Variants in PABPC4L observed in about 807,000 individuals in gnomAD.
PABPC4L encodes the protein poly(A) binding protein cytoplasmic 4 like, also known as polyadenylate-binding protein 4-like.
For missense variants in PABPC4L, 452 were observed against 451.4 expected, an observed-to-expected ratio of 1.00 and a Z score of -0.01; for synonymous variants, 169 against 164.1, an observed-to-expected ratio of 1.03 and a Z score of -0.23.
chr4:134,046,361 A>G, the PABPC4L span, among the ~76,000 whole-genome samples: 1 of 152,084 alleles, frequency 6.6e-6, no homozygotes, highest in Non-Finnish European at 1.5e-5. Flanking sequence ...TGTAGCAAAG[A>G]GTAACAGAGC....
chr4:134,160,762 T>A, the PABPC4L span, among the ~76,000 whole-genome samples: 757 of 151,712 alleles, frequency 5.0e-3, 2 homozygotes, highest in Middle Eastern at 0.02. Flanking sequence ...TACTCAGGAG[T>A]CTGAGGTGTG....
the PABPC4L span, among the ~76,000 whole-genome samples, chr4:133,976,305 A>G: frequency 6.6e-6 from 1 of 152,158 alleles, no homozygotes; most frequent in Non-Finnish European, 1.5e-5. Context: ...TTATGGCTGC[A>G]TGGTATTCCA....
chr4:133,981,718 CAAAAAT>C, the PABPC4L span, among the ~76,000 whole-genome samples: 1 of 151,840 alleles, frequency 6.6e-6, no homozygotes, highest in Admixed American at 6.6e-5. Context: ...ATTTAAAACT[CAAAAAT>C]GAACACTAAT....
At chr4:134,150,241 G>A in the PABPC4L span, among the ~76,000 whole-genome samples, 2 of 151,572 alleles carry the variant, frequency 1.3e-5, no homozygotes, top group African/African-American at 4.8e-5. Context: ...CCACCACCAT[G>A]CTCGGCTAAT....
chr4:134,071,232 G>A, the PABPC4L span, among the ~76,000 whole-genome samples: 5 of 152,166 alleles, frequency 3.3e-5, no homozygotes, highest in South Asian at 1.0e-3. Context: ...GCCATGCAGG[G>A]TTCCCAGCTT....
chr4:134,127,265 T>A, the PABPC4L span, among the ~76,000 whole-genome samples: 2 of 151,946 alleles, frequency 1.3e-5, no homozygotes, highest in African/African-American at 2.4e-5. Context: ...CACCTGACCC[T>A]AGGGCAAGCT....
At chr4:134,073,113 A>T in the PABPC4L span, among the ~76,000 whole-genome samples, 1 of 152,146 alleles carries the variant, frequency 6.6e-6, no homozygotes, top group African/African-American at 2.4e-5. Context: ...AACTCATTTT[A>T]GCATTAACTT....
chr4:134,134,781 A>C, the PABPC4L span, among the ~76,000 whole-genome samples: 2 of 151,480 alleles, frequency 1.3e-5, no homozygotes, highest in Non-Finnish European at 2.9e-5. Flanking sequence ...GGTATACTTT[A>C]TCTACATATA....
At chr4:134,054,884 G>A in the PABPC4L span, among the ~76,000 whole-genome samples, 2 of 152,022 alleles carry the variant, frequency 1.3e-5, no homozygotes, top group Admixed American at 1.3e-4. Context: ...TGGGGAAAAT[G>A]TCCAAGAATT....
the PABPC4L span, among the ~76,000 whole-genome samples, chr4:134,116,454 T>C: frequency 1.3e-5 from 2 of 151,694 alleles, no homozygotes; most frequent in Admixed American, 6.6e-5. Flanking sequence ...TATTAGAAAA[T>C]CCACAAACCC....
chr4:133,950,173 G>A, the PABPC4L span, among the ~76,000 whole-genome samples: 5 of 151,910 alleles, frequency 3.3e-5, no homozygotes, highest in Admixed American at 6.6e-5. Flanking sequence ...TGTTTGAATC[G>A]GTATTTTTCA....
the PABPC4L span, among the ~76,000 whole-genome samples, chr4:133,979,156 GT>G: frequency 6.6e-6 from 1 of 152,284 alleles, no homozygotes; most frequent in South Asian, 2.1e-4. Context: ...AATTATTAAA[GT>G]TGACTAAGTG....
chr4:134,171,442 C>G, the PABPC4L span, among the ~76,000 whole-genome samples: 1 of 152,130 alleles, frequency 6.6e-6, no homozygotes. Context: ...AGTGACTGTT[C>G]ATGTACTTTG....
At chr4:134,129,906 A>C in the PABPC4L span, among the ~76,000 whole-genome samples, 2 of 151,904 alleles carry the variant, frequency 1.3e-5, no homozygotes, top group Non-Finnish European at 2.9e-5. Context: ...CGTCTCTACT[A>C]AAAATACAAT....
chr4:134,145,540 G>C, the PABPC4L span, among the ~76,000 whole-genome samples: 2 of 151,836 alleles, frequency 1.3e-5, no homozygotes, highest in Non-Finnish European at 2.9e-5. Context: ...GTATTGCTGA[G>C]TGAGTAAGTC....
the PABPC4L span, among the ~76,000 whole-genome samples, chr4:134,121,608 C>T: frequency 6.6e-6 from 1 of 151,784 alleles, no homozygotes; most frequent in African/African-American, 2.4e-5. Context: ...ACTATCCACT[C>T]TCCAAGGTAA....
chr4:134,050,616 A>T, the PABPC4L span, among the ~76,000 whole-genome samples: 1 of 147,668 alleles, frequency 6.8e-6, no homozygotes, highest in South Asian at 2.1e-4. Context: ...GAGGCAGGAG[A>T]ATCACTTGAA....
At chr4:134,150,534 G>A in the PABPC4L span, among the ~76,000 whole-genome samples, 2 of 152,116 alleles carry the variant, frequency 1.3e-5, no homozygotes, top group Non-Finnish European at 2.9e-5. Context: ...TTTTGATAGA[G>A]AATGCAAATT....
the PABPC4L span, among the ~76,000 whole-genome samples, chr4:134,003,442 C>G: frequency 1.3e-5 from 2 of 151,758 alleles, no homozygotes; most frequent in African/African-American, 4.8e-5. Flanking sequence ...AAAGGCAGGG[C>G]TTTTGTCTAT....
Sources: gnomAD v4.1 joint callset for allele counts (sites outside exome capture counted in the v4.1 genomes callset) on GRCh38, gnomAD v4.1.1 for gene constraint, MANE v1.5 for transcripts, NCBI Gene and HGNC (gene_info 2026-07-23, HGNC 2026-07-21) for gene names.